The following USP53 variants were observed in gnomAD, a reference collection of about 807,000 sequenced individuals.
USP53 encodes ubiquitin specific peptidase 53.
Under a neutral mutation model 94.9 loss-of-function variants are expected in USP53, and 71 were observed. That is an observed-to-expected ratio of 0.75 (90% CI 0.62 to 0.91). The LOEUF is 0.91. Ranked by LOEUF, USP53 falls within the 40% of genes least tolerant of loss-of-function variation. The pLI is 0.00. For synonymous variants in USP53, 375 were observed against 422.7 expected (o/e 0.89, Z 1.39); for missense variants, 1,173 against 1,281.0 (o/e 0.92, Z 1.29).
At chr4:119,259,672 GA>G (rs1199911097) in intron 9 of USP53, 147 bp from the exon 10 acceptor site, 4 of 533,508 alleles carry the variant, frequency 7.5e-6, no homozygotes, top group Non-Finnish European at 1.3e-5. Context: ...TCACTTTATG[GA>G]AATGTACTTT....
chr4:119,233,626 T>C (rs1319310066), intron 3 of USP53, among the ~76,000 whole-genome samples: 2 of 152,202 alleles, frequency 1.3e-5, no homozygotes, highest in Non-Finnish European at 2.9e-5. Flanking sequence ...AATTTGCTAG[T>C]TAACCCATCG....
At chr4:119,267,213 A>G in intron 12 of USP53, 107 bp from the exon 13 acceptor site, 1 of 961,312 alleles carries the variant, frequency 1.0e-6, no homozygotes, top group Non-Finnish European at 1.5e-6. Context: ...TAGCAGCTGC[A>G]TATCTAAATT....
chr4:119,260,738 GT>G, intron 11 of USP53, 85 bp downstream of exon 11: 1 of 1,501,736 alleles, frequency 6.7e-7, no homozygotes. Context: ...ATAACGACAA[GT>G]TTAATCAAAT....
At position 119,269,756 on chromosome 4, in the gene USP53, G is replaced by A. The variant is rs1751617921; in HGVS notation, c.1354G>A (p.Ala452Thr). The change falls in exon 15 of 19, where the codon GCT (alanine) becomes ACT (threonine). Residue 452 changes from alanine (A) to threonine (T), a missense_variant. Ala to Thr is a moderately conservative substitution (Grantham distance 58). Transcript: ENST00000692078. Reference sequence around the variant, plus strand: ...CATTTCCAGAGAATGTGCTCTGAAAGCTATTGAACAGAAAAACTTACTTTC... The same window carrying A: ...CATTTCCAGAGAATGTGCTCTGAAAACTATTGAACAGAAAAACTTACTTTC... ...KDISRECALK[A>T]IEQKNLLSSQ... The A allele has an allele frequency of 1.3e-6, 2 of 1,510,130 alleles. No individual in the cohort carries two copies. The highest frequency in any genetic ancestry group is 2.8e-5 in the South Asian group (2 of 72,464). 93.5% of individuals were successfully genotyped at this position (1,510,130 alleles called of 1,614,324 possible). A position where few individuals can be genotyped will look rare whatever the true frequency, so the allele number is the denominator to read the frequency against.
chr4:119,260,568 C>T lies in USP53; in HGVS notation c.737C>T (p.Thr246Ile), dbSNP rs1355274664. The change falls in exon 11 of 19, where the codon ACA becomes ATA. Residue 246 changes from threonine to isoleucine, a missense_variant. Thr to Ile is a moderately conservative substitution (Grantham distance 89). Coordinates refer to ENST00000692078, the MANE Select transcript of USP53 (RefSeq NM_001371395.1). ...RVLMNCPEIV[T>I]IGLVWDSEHS... ...TTAATGAATTGCCCAGAGATTGTTA[C>T]AATTGGTTTAGTCTGGGACTCCGAG... The T allele has an allele frequency of 7.4e-6, 12 of 1,613,860 alleles. No individual in the cohort carries two copies. In the East Asian group the frequency reaches 1.3e-4, roughly 18 times the overall value.
intron 3 of USP53, among the ~76,000 whole-genome samples, chr4:119,230,012 G>A (rs1448584695): frequency 6.6e-6 from 1 of 152,082 alleles, no homozygotes; most frequent in African/African-American, 2.4e-5. Context: ...CATGAAACTT[G>A]TGCTCGTTTT....
chr4:119,245,037 C>G (rs2149340111), intron 5 of USP53, among the ~76,000 whole-genome samples: 1 of 152,270 alleles, frequency 6.6e-6, no homozygotes, highest in East Asian at 1.9e-4. Context: ...TTCCTTGTTT[C>G]CTGTTCAGAC....
chr4:119,273,513 A>G (rs531171597), intron 16 of USP53, 119 bp from the exon 17 acceptor site: 8 of 629,348 alleles, frequency 1.3e-5, no homozygotes, highest in African/African-American at 7.3e-5. Flanking sequence ...AATAATGTAC[A>G]TTAAGCCCTA....
chr4:119,222,880 A>ATAT (rs35620845), intron 3 of USP53, among the ~76,000 whole-genome samples: 52,728 of 151,790 alleles, frequency 0.35, 9,266 homozygotes, highest in African/African-American at 0.39. Context: ...AAAATAATAA[A>ATAT]TATATTCCCA....
At chr4:119,221,844 A>G (rs1025419031) in intron 3 of USP53, among the ~76,000 whole-genome samples, 3 of 152,206 alleles carry the variant, frequency 2.0e-5, no homozygotes, top group African/African-American at 4.8e-5. Flanking sequence ...TGGTTGTCCC[A>G]TACACAGCAG....
In USP53 at chr4:119,292,335, C is replaced by A; in HGVS notation, c.2349-3C>A. On this transcript the variant is annotated splice_polypyrimidine_tract_variant and splice_region_variant and intron_variant, in intron 18 of 18. Transcript: ENST00000692078. ...TAGCTTTGTTTTTATTTTCATATTTCAGATCACATGTACATGAAGACAATG... is the reference window on the plus strand; with the variant it reads ...TAGCTTTGTTTTTATTTTCATATTTAAGATCACATGTACATGAAGACAATG... 1 of 1,564,948 alleles carries A rather than the reference C, an allele frequency of 6.4e-7. No individual in the cohort carries two copies. Among genetic ancestry groups the A allele is most frequent in the South Asian group, 1.2e-5 (1 of 82,290 alleles).
rs1751836157 is a variant in USP53 at position 119,271,367 on chromosome 4, G to C, written c.1507G>C (p.Gly503Arg). The change falls in exon 16 of 19, where the codon GGG becomes CGG. Residue 503 changes from glycine (G) to arginine (R), a missense_variant. Gly to Arg is a moderately radical substitution (Grantham distance 125). Transcript: ENST00000692078. ...TGCCCCAAATGGTTTTAAACAACAT[G>C]GGAATCCACATCTATATCATAGTCA... ...PPAPNGFKQHGNPHLYHSQGK... is the reference protein window; with the variant it reads ...PPAPNGFKQHRNPHLYHSQGK... 2 of 1,611,054 alleles carry C rather than the reference G, an allele frequency of 1.2e-6. No individual in the cohort carries two copies. The highest frequency in any genetic ancestry group is 2.2e-5 in the East Asian group (1 of 44,850).
At chr4:119,232,551 T>A (rs750890497) in intron 3 of USP53, among the ~76,000 whole-genome samples, 11 of 152,206 alleles carry the variant, frequency 7.2e-5, no homozygotes, top group Non-Finnish European at 1.6e-4. Flanking sequence ...TGATGGACAT[T>A]TGTTTGGGTT....
In USP53 at chr4:119,271,783, A is replaced by G. The variant is rs943069997; in HGVS notation, c.1923A>G (p.Ile641Met). 6.2e-6 allele frequency: 10 copies of G among 1,613,060 alleles called. No individual in the cohort carries two copies. The highest frequency in any genetic ancestry group is 3.3e-5 in the Admixed American group (2 of 59,746). ...ENPKQKGLMTIYEDEMKQEIG... is the reference protein window; with the variant it reads ...ENPKQKGLMTMYEDEMKQEIG... The stretch of plus-strand genomic sequence containing the variant: ...CAAAGCAAAAAGGTTTAATGACCAT[A>G]TATGAAGATGAAATGAAGCAGGAAA... Residue 641 changes from isoleucine (I) to methionine (M), a missense_variant, in exon 16 of 19, where the codon ATA (isoleucine) becomes ATG (methionine). Physicochemically the swap from Ile to Met is conservative, Grantham distance 10. Coordinates refer to ENST00000692078, the MANE Select transcript of USP53 (RefSeq NM_001371395.1).
At chr4:119,241,189 G>C (rs1747481021) in intron 5 of USP53, among the ~76,000 whole-genome samples, 1 of 152,152 alleles carries the variant, frequency 6.6e-6, no homozygotes, top group South Asian at 2.1e-4. Flanking sequence ...AAAATTTTGA[G>C]TAAGGAAACT....
At chr4:119,225,134 C>T (rs1183604608) in intron 3 of USP53, among the ~76,000 whole-genome samples, 3 of 152,020 alleles carry the variant, frequency 2.0e-5, no homozygotes, top group African/African-American at 7.2e-5. Context: ...CAAACCTTAC[C>T]AACATTAAGG....
At chr4:119,264,058 C>T (rs990738522) in intron 12 of USP53, among the ~76,000 whole-genome samples, 4 of 152,088 alleles carry the variant, frequency 2.6e-5, no homozygotes, top group African/African-American at 4.8e-5. Context: ...AGTGAGACTC[C>T]GTCTCAAAAC....
chr4:119,258,760 G>A (rs1004774699), intron 9 of USP53, among the ~76,000 whole-genome samples: 4 of 152,074 alleles, frequency 2.6e-5, no homozygotes, highest in African/African-American at 7.2e-5. Context: ...GAACAGTATC[G>A]GGGAAACTGC....
At chr4:119,252,215 G>A (rs1044720720) in intron 7 of USP53, among the ~76,000 whole-genome samples, 6 of 152,060 alleles carry the variant, frequency 3.9e-5, no homozygotes, top group African/African-American at 1.2e-4. Context: ...GTGTCTCTGC[G>A]AGGCTTTGGT....
Sources: gnomAD v4.1 joint callset for allele counts (sites outside exome capture counted in the v4.1 genomes callset) on GRCh38, gnomAD v4.1.1 for gene constraint, MANE v1.5 for transcripts, NCBI Gene and HGNC (gene_info 2026-07-23, HGNC 2026-07-21) for gene names.